FRMPD4: variants seen among roughly 807,000 people sequenced by gnomAD.
The protein encoded by FRMPD4 is FERM and PDZ domain containing 4, also known as FERM and PDZ domain-containing protein 4.
FRMPD4 carries 22 observed loss-of-function variants against 94.1 expected under a neutral mutation model. That is an observed-to-expected ratio of 0.23 (90% CI 0.17 to 0.33). FRMPD4 has a LOEUF of 0.33. FRMPD4 is among the 10% of genes least tolerant of loss of function. The probability of loss-of-function intolerance (pLI) is 1.00; values close to 1 mark genes in which losing one functional copy is unlikely to be tolerated. For missense variants in FRMPD4, 1,111 were observed against 1,339.9 expected (o/e 0.83, Z 2.67); for synonymous variants, 631 against 548.6 (o/e 1.15, Z -2.10).
At chrX:11,972,560 A>G (rs1359245984) in intron 3 of FRMPD4, among the ~76,000 whole-genome samples, 1 of 112,320 alleles carries the variant, frequency 8.9e-6, no homozygotes, top group Admixed American at 9.4e-5. Flanking sequence ...TTTGAAGCAC[A>G]GGGGCTAGAG....
chrX:12,606,521 C>G (rs1412727317), intron 2 of FRMPD4, among the ~76,000 whole-genome samples: 1 of 111,811 alleles, frequency 8.9e-6, no homozygotes, highest in Non-Finnish European at 1.9e-5. Context: ...GAATCACTGC[C>G]TTAAGCTTTT....
intron 3 of FRMPD4, among the ~76,000 whole-genome samples, chrX:11,972,790 T>C (rs1385339130): frequency 1.8e-5 from 2 of 112,490 alleles, no homozygotes; most frequent in Non-Finnish European, 3.8e-5. Flanking sequence ...AATTTAGAAA[T>C]CATTTTCAGT....
At chrX:12,390,860 G>GTACTT (rs895746447) in intron 1 of FRMPD4, among the ~76,000 whole-genome samples, 2 of 111,817 alleles carry the variant, frequency 1.8e-5, no homozygotes, top group African/African-American at 6.5e-5. Context: ...GGCTCAAGAG[G>GTACTT]TACTTTAAAA....
intron 1 of FRMPD4, among the ~76,000 whole-genome samples, chrX:12,474,413 G>T (rs138869770): frequency 1.8e-5 from 2 of 111,021 alleles, no homozygotes; most frequent in Admixed American, 9.5e-5. Context: ...AGAGAAGCAA[G>T]AGCAAACACA....
chrX:12,112,027 GA>G (rs1813952084), intron 3 of FRMPD4, among the ~76,000 whole-genome samples: 3 of 111,549 alleles, frequency 2.7e-5, no homozygotes, highest in Non-Finnish European at 5.7e-5. Context: ...CAAGGATCTA[GA>G]ACTAGAAATA....
chrX:12,261,783 G>T (rs1186614314), intron 1 of FRMPD4, among the ~76,000 whole-genome samples: 1 of 111,820 alleles, frequency 8.9e-6, no homozygotes, highest in Non-Finnish European at 1.9e-5. Context: ...TCGCCTATAT[G>T]CCTAGACATT....
At chrX:12,567,128 T>A (rs1193930222) in intron 2 of FRMPD4, among the ~76,000 whole-genome samples, 1 of 111,707 alleles carries the variant, frequency 9.0e-6, no homozygotes, top group African/African-American at 3.3e-5. Context: ...GTTTCTGCCA[T>A]ACACAGCCAT....
intron 3 of FRMPD4, among the ~76,000 whole-genome samples, chrX:12,000,881 G>A (rs1409435794): frequency 1.8e-5 from 2 of 111,914 alleles, no homozygotes; most frequent in Admixed American, 1.9e-4. Flanking sequence ...GAATGAATGA[G>A]TCTTTTATTT....
intron 2 of FRMPD4, among the ~76,000 whole-genome samples, chrX:12,546,118 T>G (rs1313960033): frequency 1.8e-5 from 2 of 111,880 alleles, no homozygotes; most frequent in Non-Finnish European, 3.8e-5. Flanking sequence ...TTTTATGAGA[T>G]AGCCATCATT....
At chrX:12,570,888 T>G (rs1405722268) in intron 2 of FRMPD4, among the ~76,000 whole-genome samples, 1 of 111,797 alleles carries the variant, frequency 8.9e-6, no homozygotes, top group Non-Finnish European at 1.9e-5. Context: ...ATCACGCTAC[T>G]CAGAATGGCA....
intron 4 of FRMPD4, among the ~76,000 whole-genome samples, chrX:12,659,376 G>C (rs1208339319): frequency 8.9e-6 from 1 of 112,581 alleles, no homozygotes; most frequent in Admixed American, 9.4e-5. Flanking sequence ...CTCTTTAGAC[G>C]GTAAGCTCTG....
chrX:12,531,172 C>T (rs1166852349), intron 2 of FRMPD4, among the ~76,000 whole-genome samples: 1 of 112,201 alleles, frequency 8.9e-6, no homozygotes, highest in African/African-American at 3.2e-5. Flanking sequence ...AGAGTAGTTT[C>T]TTTGGAGAAC....
intron 3 of FRMPD4, among the ~76,000 whole-genome samples, chrX:12,062,960 T>G (rs952095650): frequency 8.9e-6 from 1 of 112,153 alleles, no homozygotes; most frequent in East Asian, 2.8e-4. Context: ...CCAATGTTGA[T>G]TAGTCGAGAT....
intron 1 of FRMPD4, among the ~76,000 whole-genome samples, chrX:12,302,693 GGC>G (rs1425392806): frequency 9.0e-6 from 1 of 111,559 alleles, no homozygotes; most frequent in Non-Finnish European, 1.9e-5. Flanking sequence ...TAAGAAATGT[GGC>G]TATTGCTCAA....
upstream of FRMPD4, among the ~76,000 whole-genome samples, chrX:12,136,112 T>G (rs1441164105): frequency 4.5e-5 from 5 of 111,426 alleles, no homozygotes; most frequent in African/African-American, 1.6e-4. Context: ...AGCCACGAAG[T>G]CATACACAGA....
intron 3 of FRMPD4, among the ~76,000 whole-genome samples, chrX:12,110,388 C>T (rs925309602): frequency 7.1e-5 from 8 of 112,109 alleles, no homozygotes; most frequent in Middle Eastern, 9.2e-3. Flanking sequence ...GCTAAAAACT[C>T]ACAATAAATT....
In FRMPD4 at chrX:12,278,823, C is replaced by T. The variant is rs188272275; in HGVS notation, c.41+139811C>T. Among the ~76,000 whole-genome samples, 602 of 111,954 alleles carry T rather than the reference C, an allele frequency of 5.4e-3. 3 individuals carry two copies. Among genetic ancestry groups the T allele is most frequent in the African/African-American group, 0.019 (573 of 30,795 alleles). On this transcript the variant is annotated intron_variant, in intron 1 of 16. Transcript: ENST00000675598. ...AGTACATACCCCAGCTCCCTCACCC[C>T]TCAAGTGGAACAACTCTGTGGAACG...
chrX:12,508,990 T>A (rs1469779684), intron 2 of FRMPD4, among the ~76,000 whole-genome samples: 1 of 20,486 alleles, frequency 4.9e-5, no homozygotes, highest in East Asian at 1.1e-3. Flanking sequence ...AGACTCTGTC[T>A]CAAAAAAAAA....
At chrX:11,861,153 A>G (rs191402367) in intron 1 of FRMPD4, among the ~76,000 whole-genome samples, 18 of 111,926 alleles carry the variant, frequency 1.6e-4, no homozygotes, top group African/African-American at 5.2e-4. Flanking sequence ...CTAATATGAA[A>G]TTGACACTGA....
Sources: gnomAD v4.1 joint callset for allele counts (sites outside exome capture counted in the v4.1 genomes callset) on GRCh38, gnomAD v4.1.1 for gene constraint, MANE v1.5 for transcripts, NCBI Gene and HGNC (gene_info 2026-07-23, HGNC 2026-07-21) for gene names.